PCDHGA1: variants seen among roughly 807,000 people sequenced by gnomAD.
The protein encoded by PCDHGA1 is protocadherin gamma-A1.
Under a neutral mutation model 58.0 loss-of-function variants are expected in PCDHGA1, and 32 were observed. The ratio of observed to expected loss-of-function variants is 0.55; its 90% CI spans 0.42 to 0.74. The LOEUF is 0.74. Ranked by LOEUF, PCDHGA1 falls within the 30% of genes least tolerant of loss-of-function variation. The pLI, the probability that PCDHGA1 is intolerant of heterozygous loss-of-function variation, is 0.00. For synonymous variants in PCDHGA1, 498 were observed against 501.1 expected, an observed-to-expected ratio of 0.99 and a Z score of 0.08; for missense variants, 1,205 against 1,182.3, an observed-to-expected ratio of 1.02 and a Z score of -0.28.
At chr5:141,456,723 G>A (rs1005891499) in intron 1 of PCDHGA1, among the ~76,000 whole-genome samples, 3 of 152,196 alleles carry the variant, frequency 2.0e-5, no homozygotes, top group Admixed American at 6.5e-5. Flanking sequence ...CCAGCACTTT[G>A]GGAGGCTGAG....
chr5:141,496,377 G>A (rs1413938730), intron 2 of PCDHGA1, among the ~76,000 whole-genome samples: 1 of 152,114 alleles, frequency 6.6e-6, no homozygotes, highest in Non-Finnish European at 1.5e-5. Flanking sequence ...CAGGAGCTTG[G>A]GCCACCTTAC....
chr5:141,375,635 C>T (rs776372663), intron 1 of PCDHGA1: 4 of 1,614,096 alleles, frequency 2.5e-6, no homozygotes, highest in Non-Finnish European at 1.7e-6. Flanking sequence ...GTACGCCCTG[C>T]GCTCCTTCGA....
At chr5:141,403,803 T>C (rs1323082699) in intron 1 of PCDHGA1, 5 of 1,613,668 alleles carry the variant, frequency 3.1e-6, no homozygotes. Context: ...TTCTGGAAAA[T>C]TAATGAAAAA....
chr5:141,472,263 C>T (rs978647191), intron 1 of PCDHGA1, among the ~76,000 whole-genome samples: 7 of 152,144 alleles, frequency 4.6e-5, no homozygotes, highest in South Asian at 2.1e-4. Flanking sequence ...ATATTATAGC[C>T]GGGCACAGTG....
intron 1 of PCDHGA1, chr5:141,355,845 C>T (rs1479367504): frequency 1.2e-6 from 2 of 1,612,160 alleles, no homozygotes; most frequent in African/African-American, 2.7e-5. Context: ...TCACGGCCTT[C>T]GATGGAGGTG....
At chr5:141,402,912 G>T (rs373067478) in intron 1 of PCDHGA1, 319 of 1,553,994 alleles carry the variant, frequency 2.1e-4, no homozygotes, top group East Asian at 2.5e-4. Flanking sequence ...GAAGCAGCGC[G>T]CACAGAGATC....
chr5:141,426,971 G>A, intron 1 of PCDHGA1: 1 of 456,732 alleles, frequency 2.2e-6, no homozygotes, highest in South Asian at 1.5e-5. Context: ...TTCAAATTGA[G>A]GTCACTGATG....
chr5:141,418,875 A>G (rs2097697666), intron 1 of PCDHGA1: 1 of 1,613,926 alleles, frequency 6.2e-7, no homozygotes, highest in African/African-American at 1.3e-5. Flanking sequence ...GAAGTTGTAG[A>G]CGAAAACGAC....
chr5:141,388,662 A>T, intron 1 of PCDHGA1: 1 of 1,613,954 alleles, frequency 6.2e-7, no homozygotes, highest in Non-Finnish European at 8.5e-7. Flanking sequence ...CCCGGGGACC[A>T]CGGTGCTACA....
rs778054090 is a variant in PCDHGA1 at position 141,505,509 on chromosome 5, G to C, written c.2569+28G>C. On this transcript the variant is annotated intron_variant, in intron 3 of 3. Coordinates refer to ENST00000517417, the MANE Select transcript of PCDHGA1 (RefSeq NM_018912.3). ...AAGTGGTGTCAGTGTGTGTATGGAA[G>C]AGTGGGAGACCTGGGGTTCTGGGGT... The C allele has an allele frequency of 3.7e-6, 6 of 1,614,058 alleles. No homozygotes were observed. The East Asian group carries it at 1.1e-4, about 30-fold the overall frequency.
At chr5:141,352,075 G>T in intron 1 of PCDHGA1, 1 of 1,604,858 alleles carries the variant, frequency 6.2e-7, no homozygotes, top group East Asian at 2.2e-5. Flanking sequence ...ACCACGTGCT[G>T]CAGGCCAGCG....
rs1026815375 is a variant in PCDHGA1, at chr5:141,481,045, G to A, written c.2422-13762G>A. 4.6e-5 allele frequency among the ~76,000 whole-genome samples: 7 copies of A among 152,024 alleles called. No individual in the cohort carries two copies. In the South Asian group the frequency reaches 8.3e-4, roughly 18 times the overall value. ...TGCACTCCAGCCTGGGCGACAGAGCGAGACTCCACCTCAAAAACAAAAAGA... is the reference window on the plus strand; with the variant it reads ...TGCACTCCAGCCTGGGCGACAGAGCAAGACTCCACCTCAAAAACAAAAAGA... On this transcript the variant is annotated intron_variant, in intron 1 of 3. Coordinates refer to ENST00000517417, the MANE Select transcript of PCDHGA1 (RefSeq NM_018912.3).
intron 1 of PCDHGA1, chr5:141,417,540 A>G (rs1301087527): frequency 2.0e-5 from 6 of 301,520 alleles, no homozygotes; most frequent in Non-Finnish European, 3.6e-5. Context: ...TTTAAAAAAA[A>G]TTCCTTGAAA....
chr5:141,339,288 T>G lies in PCDHGA1; in HGVS notation c.2421+6183T>G, dbSNP rs1756824225. ...CAGAGCGCACCCTGTCTGTTGAATT[T>G]TAACATTCTGCTGGAGGATAAATTG... On this transcript the variant is annotated intron_variant, in intron 1 of 3. Coordinates refer to ENST00000517417, the MANE Select transcript of PCDHGA1 (RefSeq NM_018912.3). 4 of 1,614,258 alleles carry G rather than the reference T, an allele frequency of 2.5e-6. No homozygotes were observed. In the East Asian group the frequency reaches 6.7e-5, roughly 27 times the overall value.
At chr5:141,378,359 C>G (rs1254608030) in intron 1 of PCDHGA1, 1 of 152,222 alleles carries the variant, frequency 6.6e-6, no homozygotes, top group Non-Finnish European at 1.5e-5. Context: ...CCCGTCTCTA[C>G]TAAAAATACA....
chr5:141,366,894 T>A, intron 1 of PCDHGA1: 1 of 1,215,552 alleles, frequency 8.2e-7, no homozygotes, highest in Non-Finnish European at 1.1e-6. Flanking sequence ...TTTATATAAT[T>A]CATGCTTTCT....
intron 1 of PCDHGA1, chr5:141,359,984 G>A (rs927658696): frequency 3.4e-6 from 3 of 894,908 alleles, no homozygotes; most frequent in Non-Finnish European, 3.1e-6. Context: ...GCCTCTTAGA[G>A]GGGAACTTCC....
chr5:141,502,084 G>A (rs1438350526), intron 2 of PCDHGA1, among the ~76,000 whole-genome samples: 1 of 152,154 alleles, frequency 6.6e-6, no homozygotes, highest in African/African-American at 2.4e-5. Context: ...CTGGGGCTGA[G>A]AACACCTGGC....
rs779392461 is a variant in PCDHGA1, at chr5:141,428,623, TC to T, written c.2422-66183del. 3.1e-5 allele frequency: 6 copies of T among 193,516 alleles called. No individual in the cohort carries two copies. In the East Asian group the frequency reaches 5.4e-4, roughly 17 times the overall value. 12.0% of individuals were successfully genotyped at this position (193,516 alleles called of 1,614,324 possible). ...CACTGAAGAGAATAACAAGATAAGC[TC>T]TAACTCTGTTGCTCCTACTCACGTG... On this transcript the variant is annotated intron_variant, in intron 1 of 3. Coordinates refer to ENST00000517417, the MANE Select transcript of PCDHGA1 (RefSeq NM_018912.3).
Sources: allele counts gnomAD v4.1 joint callset (sites outside exome capture counted in the v4.1 genomes callset), GRCh38; gene constraint gnomAD v4.1.1; transcripts MANE v1.5; gene names NCBI Gene and HGNC (gene_info 2026-07-23, HGNC 2026-07-21).